CCP110: variants seen among roughly 807,000 people sequenced by gnomAD.
CCP110 encodes the protein centriolar coiled-coil protein 110.
Under a neutral mutation model 105.5 loss-of-function variants are expected in CCP110, and 43 were observed. That is an observed-to-expected ratio of 0.41 (90% CI 0.32 to 0.53). CCP110 has a LOEUF of 0.53. Among genes scored for constraint, CCP110 ranks in the 20% least tolerant of loss-of-function variants. The pLI is 0.32. For missense variants in CCP110, 1,016 were observed against 1,189.1 expected, an observed-to-expected ratio of 0.85 and a Z score of 2.14; for synonymous variants, 353 against 392.1, an observed-to-expected ratio of 0.90 and a Z score of 1.18.
At chr16:19,536,584 T>C in exon 4 of CCP110, 1 of 1,614,180 alleles carries the variant, frequency 6.2e-7, no homozygotes, top group Non-Finnish European at 8.5e-7. Context: ...TCCAAGGTGC[T>C]TCCACTCAAG....
chr16:19,535,527 A>T (rs545274388), intron 3 of CCP110, among the ~76,000 whole-genome samples: 1 of 152,152 alleles, frequency 6.6e-6, no homozygotes, highest in African/African-American at 2.4e-5. Context: ...ATATATTATT[A>T]TCCTTGGATG....
chr16:19,533,219 C>T (rs1287267692), intron 3 of CCP110, among the ~76,000 whole-genome samples: 3 of 145,840 alleles, frequency 2.1e-5, no homozygotes, highest in Non-Finnish European at 4.6e-5. Context: ...TGTGGTTTGT[C>T]TGTTTAATTC....
chr16:19,527,855 T>C lies in CCP110; in HGVS notation c.-15-12T>C, dbSNP rs1321331551. On this transcript the variant is annotated splice_polypyrimidine_tract_variant and intron_variant, in intron 1 of 14. Coordinates refer to ENST00000381396, the Ensembl canonical transcript of CCP110. ...CCCAGTACATTAAAAATAACATTTT[T>C]CTCTCTTGTAGTGTGACTGTGGGAA... 1 of 1,588,434 alleles carries C rather than the reference T, an allele frequency of 6.3e-7. No homozygotes were observed. The highest frequency in any genetic ancestry group is 1.4e-5 in the African/African-American group (1 of 73,298).
chr16:19,543,707 G>A (rs1194810682), intron 8 of CCP110, among the ~76,000 whole-genome samples: 1 of 152,128 alleles, frequency 6.6e-6, no homozygotes, highest in African/African-American at 2.4e-5. Flanking sequence ...TCCCTGGGGG[G>A]AGGTATATAA....
At chr16:19,526,513 C>T (rs1361133175) in intron 1 of CCP110, 1 of 152,316 alleles carries the variant, frequency 6.6e-6, no homozygotes, top group East Asian at 1.9e-4. Context: ...GTCTCACTCA[C>T]ACTGTAGAGA....
chr16:19,531,759 A>T (rs1286264156), intron 2 of CCP110, among the ~76,000 whole-genome samples: 2 of 152,160 alleles, frequency 1.3e-5, no homozygotes, highest in Non-Finnish European at 2.9e-5. Flanking sequence ...CAAAGTCAGG[A>T]GTTCGAGACC....
intron 3 of CCP110, 41 bp downstream of exon 3, chr16:19,532,585 T>C (rs1969913088): frequency 2.0e-6 from 3 of 1,513,072 alleles, no homozygotes; most frequent in Non-Finnish European, 2.7e-6. Flanking sequence ...AAAGAAATCA[T>C]AAGATAAGCG....
At chr16:19,537,630 C>G in intron 4 of CCP110, 43 bp downstream of exon 4, 5 of 1,115,042 alleles carry the variant, frequency 4.5e-6, no homozygotes, top group Non-Finnish European at 5.1e-6. Context: ...ATGCAGATAC[C>G]TTTATTTTAA....
rs62000395 is a variant in CCP110, at chr16:19,537,139, C to T, written c.1470C>T (p.Gly490=). Residue 490 remains glycine, a synonymous_variant, in exon 4 of 15, where the codon GGC becomes GGT. Transcript: ENST00000381396. ...GTCAGTTAACATCCGATGAGAGAGG[C>T]GCACACATAATGAACAGTACCTGTG... The T allele has an allele frequency of 0.045, 72,664 of 1,613,998 alleles. 2,710 individuals are homozygous for T. Among genetic ancestry groups the T allele is most frequent in the East Asian group, 0.19 (8,389 of 44,870 alleles).
intron 5 of CCP110, among the ~76,000 whole-genome samples, chr16:19,541,438 G>C (rs929167366): frequency 2.6e-5 from 4 of 152,152 alleles, no homozygotes; most frequent in Non-Finnish European, 4.4e-5. Context: ...TTTGAGACCA[G>C]CCTGGCCAAC....
intron 2 of CCP110, among the ~76,000 whole-genome samples, chr16:19,528,231 C>T (rs1969742879): frequency 6.6e-6 from 1 of 152,176 alleles, no homozygotes; most frequent in Admixed American, 6.5e-5. Context: ...GGAGAAAATG[C>T]ACTTTTAATG....
In CCP110 at chr16:19,538,302, CTTTTTTTTTTT is replaced by C. The variant is rs1164690143; in HGVS notation, c.1918+733_1918+743del. ...ATATTAATAATTGGAGGAAACAGTT[CTTTTTTTTTTT>C]TTTTTTTTTTTTTTTTTGAGACAGT... On this transcript the variant is annotated intron_variant, in intron 4 of 14. Transcript: ENST00000381396. 1.8e-4 allele frequency among the ~76,000 whole-genome samples: 10 copies of C among 55,242 alleles called. No homozygotes were observed. In the South Asian group the frequency reaches 2.0e-3, roughly 11 times the overall value. 36.2% of individuals were successfully genotyped at this position (55,242 alleles called of 152,430 possible).
Position 19,539,847 on chromosome 16 carries a change from T to A in CCP110, c.1919-810T>A, listed in dbSNP as rs552484996. ...GGAGTTTCACTCTTGTTGCCCAGGC[T>A]GGAGTGCAATGGTGCGATCTCAGCT... On this transcript the variant is annotated intron_variant, in intron 4 of 14. Coordinates refer to ENST00000381396, the Ensembl canonical transcript of CCP110. Among the ~76,000 whole-genome samples, 6 of 151,724 alleles carry A rather than the reference T, an allele frequency of 4.0e-5. No homozygotes were observed. In the South Asian group the frequency reaches 1.2e-3, roughly 32 times the overall value.
At chr16:19,540,677 A>T (rs369807084) in exon 5 of CCP110, 1 of 1,612,832 alleles carries the variant, frequency 6.2e-7, no homozygotes, top group Non-Finnish European at 8.5e-7. Context: ...GTTACTAAAA[A>T]GCAAGATGTT....
chr16:19,529,952 G>T (rs1264045965), intron 2 of CCP110, among the ~76,000 whole-genome samples: 1 of 152,056 alleles, frequency 6.6e-6, no homozygotes, highest in Non-Finnish European at 1.5e-5. Flanking sequence ...AGCACTTTGG[G>T]AGGCTGAGGT....
intron 4 of CCP110, among the ~76,000 whole-genome samples, chr16:19,538,932 C>A (rs1159967459): frequency 6.6e-6 from 1 of 151,502 alleles, no homozygotes; most frequent in Non-Finnish European, 1.5e-5. Flanking sequence ...ACAAACATGG[C>A]GAAACCCCGT....
chr16:19,531,482 G>A (rs1378184933), intron 2 of CCP110, among the ~76,000 whole-genome samples: 2 of 152,114 alleles, frequency 1.3e-5, no homozygotes, highest in African/African-American at 4.8e-5. Context: ...CATTTTTTAG[G>A]TACATTATAT....
At chr16:19,545,663 A>G (rs1970434433) in intron 10 of CCP110, among the ~76,000 whole-genome samples, 154 bp from the exon 11 acceptor site, 2 of 152,216 alleles carry the variant, frequency 1.3e-5, no homozygotes. Context: ...TCTTAGAATT[A>G]GACTGCTTCA....
chr16:19,537,005 AC>A lies in CCP110; in HGVS notation c.1337del (p.Thr446AsnfsTer10). 6.2e-7 allele frequency: 1 copy of A among 1,614,252 alleles called. No homozygotes were observed. Among genetic ancestry groups the A allele is most frequent in the Non-Finnish European group, 8.5e-7 (1 of 1,180,046 alleles). On this transcript the variant is annotated frameshift_variant, in exon 4 of 15. Coordinates refer to ENST00000381396, the Ensembl canonical transcript of CCP110. LOFTEE classifies it high-confidence loss of function. ...AAGCAAGGTTTATGTGGGCAAAAATACATCTGAAGTCAAAGAAGATGTGGTT... is the reference window on the plus strand; with the variant it reads ...AAGCAAGGTTTATGTGGGCAAAAATAATCTGAAGTCAAAGAAGATGTGGTT...
Sources: gnomAD v4.1 joint callset for allele counts (sites outside exome capture counted in the v4.1 genomes callset) on GRCh38, gnomAD v4.1.1 for gene constraint, MANE v1.5 for transcripts, NCBI Gene and HGNC (gene_info 2026-07-23, HGNC 2026-07-21) for gene names.